The following GRM8 variants were observed in gnomAD, a reference collection of about 807,000 sequenced individuals.
GRM8 encodes glutamate metabotropic receptor 8, also known as metabotropic glutamate receptor 8.
GRM8 carries 47 observed loss-of-function variants against 87.2 expected under a neutral mutation model. That is an observed-to-expected ratio of 0.54 (90% CI 0.43 to 0.69). The LOEUF (loss-of-function observed/expected upper bound fraction) is 0.69, where lower values mean the gene tolerates loss of function less well. Ranked by LOEUF, GRM8 falls within the 30% of genes least tolerant of loss-of-function variation. The pLI is 0.00. For missense variants in GRM8, 1,019 were observed against 1,139.2 expected (o/e 0.89, Z 1.52); for synonymous variants, 396 against 404.5 (o/e 0.98, Z 0.25).
intron 2 of GRM8, among the ~76,000 whole-genome samples, chr7:127,226,978 T>C (rs1351632908): frequency 6.6e-6 from 1 of 152,066 alleles, no homozygotes; most frequent in African/African-American, 2.4e-5. Context: ...TTCATTACCA[T>C]GGAAACAAAA....
intron 3 of GRM8, among the ~76,000 whole-genome samples, chr7:126,976,902 T>C (rs1371148283): frequency 2.2e-5 from 1 of 45,906 alleles, no homozygotes; most frequent in Non-Finnish European, 4.0e-5. Context: ...ATTTTCATTA[T>C]TTTTTTTTTT....
chr7:126,960,966 T>C (rs1056029998), intron 3 of GRM8, among the ~76,000 whole-genome samples: 4 of 152,150 alleles, frequency 2.6e-5, no homozygotes, highest in Admixed American at 2.6e-4. Context: ...ATGACTGACA[T>C]ATAAACAAAT....
Position 126,767,710 on chromosome 7 carries a change from C to T in GRM8, c.1357+2155G>A, listed in dbSNP as rs78357155. Reference sequence around the variant, plus strand: ...ACAGAATGAACATGAATACATAAGTCAATAATAAAATTAAAATGTGATGAA... The same window carrying T: ...ACAGAATGAACATGAATACATAAGTTAATAATAAAATTAAAATGTGATGAA... On this transcript the variant is annotated intron_variant, in intron 7 of 10. Transcript: ENST00000339582. Among the ~76,000 whole-genome samples, 1,187 of 151,990 alleles carry T rather than the reference C, an allele frequency of 7.8e-3. 7 individuals are homozygous for T. Among genetic ancestry groups the T allele is most frequent in the Middle Eastern group, 0.014 (4 of 294 alleles).
intron 3 of GRM8, among the ~76,000 whole-genome samples, chr7:126,987,633 T>G (rs1033296102): frequency 5.9e-5 from 9 of 152,034 alleles, no homozygotes; most frequent in Non-Finnish European, 1.0e-4. Flanking sequence ...GCTAATTTTT[T>G]GTATTTTTTT....
chr7:126,856,065 ACTT>A (rs1187901576), intron 6 of GRM8, among the ~76,000 whole-genome samples: 1 of 152,056 alleles, frequency 6.6e-6, no homozygotes, highest in African/African-American at 2.4e-5. Context: ...AGCTTTTTGT[ACTT>A]CTTCTCATAT....
chr7:126,559,583 A>G (rs1415638342), intron 8 of GRM8, among the ~76,000 whole-genome samples: 1 of 152,212 alleles, frequency 6.6e-6, no homozygotes, highest in East Asian at 1.9e-4. Context: ...TCTTGAATAG[A>G]TCACATTGTC....
chr7:126,985,854 C>T (rs1294059290), intron 3 of GRM8, among the ~76,000 whole-genome samples: 2 of 152,200 alleles, frequency 1.3e-5, no homozygotes, highest in Non-Finnish European at 2.9e-5. Flanking sequence ...TAGTGACATA[C>T]TGGGGATTAA....
At chr7:126,707,879 A>G (rs1334933089) in intron 7 of GRM8, among the ~76,000 whole-genome samples, 1 of 152,170 alleles carries the variant, frequency 6.6e-6, no homozygotes, top group Non-Finnish European at 1.5e-5. Context: ...AGGCAAGAAG[A>G]GCAAACAATA....
At chr7:127,101,235 CA>C (rs1825211249) in intron 3 of GRM8, among the ~76,000 whole-genome samples, 1 of 152,208 alleles carries the variant, frequency 6.6e-6, no homozygotes, top group African/African-American at 2.4e-5. Context: ...TGCCCTATAT[CA>C]GGCCAAGATT....
At chr7:126,698,391 T>C (rs903249926) in intron 7 of GRM8, among the ~76,000 whole-genome samples, 6 of 152,294 alleles carry the variant, frequency 3.9e-5, no homozygotes, top group African/African-American at 1.4e-4. Flanking sequence ...GAAGAAAAAA[T>C]GATGCTTATC....
At chr7:126,778,502 A>C (rs746469507) in intron 6 of GRM8, among the ~76,000 whole-genome samples, 1 of 152,230 alleles carries the variant, frequency 6.6e-6, no homozygotes, top group Non-Finnish European at 1.5e-5. Context: ...AGACTTTCAG[A>C]AAAGCAAATT....
intron 2 of GRM8, among the ~76,000 whole-genome samples, chr7:127,171,122 C>T (rs1793775057): frequency 6.6e-6 from 1 of 152,154 alleles, no homozygotes; most frequent in South Asian, 2.1e-4. Context: ...TGGTGGAGTA[C>T]TGCAGATGTG....
At chr7:126,530,804 C>T (rs561385435) in intron 9 of GRM8, among the ~76,000 whole-genome samples, 1 of 152,198 alleles carries the variant, frequency 6.6e-6, no homozygotes, top group African/African-American at 2.4e-5. Flanking sequence ...CATTCTCAAG[C>T]ATTTATTTAT....
chr7:127,160,010 A>G (rs1161842839), intron 2 of GRM8, among the ~76,000 whole-genome samples: 16 of 152,218 alleles, frequency 1.1e-4, no homozygotes, highest in Admixed American at 1.0e-3. Context: ...TGGAATGTAA[A>G]AGAATATGTT....
intron 9 of GRM8, among the ~76,000 whole-genome samples, chr7:126,532,531 G>A (rs10279556): frequency 0.025 from 3,765 of 151,904 alleles, 139 homozygotes; most frequent in African/African-American, 0.085. Context: ...GGCATATCTC[G>A]GGGACAGCTC....
At chr7:126,762,991 T>C (rs1429172258) in intron 7 of GRM8, among the ~76,000 whole-genome samples, 1 of 151,914 alleles carries the variant, frequency 6.6e-6, no homozygotes, top group Non-Finnish European at 1.5e-5. Context: ...TTAACATTTT[T>C]TTCAAATGTT....
At chr7:126,733,006 C>T (rs1813779238) in intron 7 of GRM8, among the ~76,000 whole-genome samples, 1 of 151,934 alleles carries the variant, frequency 6.6e-6, no homozygotes, top group South Asian at 2.1e-4. Flanking sequence ...AAATTGTCTG[C>T]AATTTTTTTT....
chr7:126,966,656 T>C (rs1344918985), intron 3 of GRM8, among the ~76,000 whole-genome samples: 1 of 152,198 alleles, frequency 6.6e-6, no homozygotes, highest in African/African-American at 2.4e-5. Flanking sequence ...GCAAAATAAT[T>C]AAAGATACTG....
At chr7:127,158,856 CT>C (rs1792911360) in intron 2 of GRM8, among the ~76,000 whole-genome samples, 2 of 151,640 alleles carry the variant, frequency 1.3e-5, no homozygotes, top group Non-Finnish European at 2.9e-5. Context: ...TGCCCCCTAG[CT>C]GTAGGTGGTA....
Sources: allele counts gnomAD v4.1 joint callset (sites outside exome capture counted in the v4.1 genomes callset), GRCh38; gene constraint gnomAD v4.1.1; transcripts MANE v1.5; gene names NCBI Gene and HGNC (gene_info 2026-07-23, HGNC 2026-07-21).